Variants in NOL6 observed in about 807,000 individuals in gnomAD.
The protein encoded by NOL6 is nucleolar protein 6, also known as nucleolar RNA-associated protein.
Under a neutral mutation model 131.7 loss-of-function variants are expected in NOL6, and 33 were observed. That is an observed-to-expected ratio of 0.25 (90% CI 0.19 to 0.33). NOL6 has a LOEUF of 0.33. Ranked by LOEUF, NOL6 falls within the 10% of genes least tolerant of loss-of-function variation. NOL6 has a pLI of 1.00. For missense variants in NOL6, 1,297 were observed against 1,494.5 expected (o/e 0.87, Z 2.18); for synonymous variants, 580 against 605.7 (o/e 0.96, Z 0.62).
At position 33,469,047 on chromosome 9, in the gene NOL6, G is replaced by A; in HGVS notation, c.937C>T (p.Leu313=). The A allele has an allele frequency of 6.2e-7, 1 of 1,614,198 alleles. No individual in the cohort carries two copies. The highest frequency in any genetic ancestry group is 1.1e-5 in the South Asian group (1 of 91,076). The change falls in exon 7 of 26, where the codon CTG becomes TTG. Residue 313 remains leucine (L), a synonymous_variant. Coordinates refer to ENST00000297990, the MANE Select transcript of NOL6 (RefSeq NM_022917.5). ...QDTVLESHLQ[L]LSTILSSAQG... is the part of the protein sequence containing the mutation. Reference sequence around the variant, plus strand: ...GCTGAACTCAGAATGGTTGACAGCAGCTGCAAATGGGACTCGAGAACTGTA... The same window carrying A: ...GCTGAACTCAGAATGGTTGACAGCAACTGCAAATGGGACTCGAGAACTGTA...
At position 33,473,891 on chromosome 9, in the gene NOL6, T is replaced by C. The variant is rs778383502; in HGVS notation, c.-49A>G. On this transcript the variant is annotated 5_prime_UTR_variant, in exon 1 of 26. Coordinates refer to ENST00000297990, the MANE Select transcript of NOL6 (RefSeq NM_022917.5). Reference sequence around the variant, plus strand: ...GCACTTCAGATTCTAGCCGGGTCTATACCTCATAGCTTCCCACGTGGGCGG... The same window carrying C: ...GCACTTCAGATTCTAGCCGGGTCTACACCTCATAGCTTCCCACGTGGGCGG... 9 of 1,603,826 alleles carry C rather than the reference T, an allele frequency of 5.6e-6. No homozygotes were observed. Among genetic ancestry groups the C allele is most frequent in the Non-Finnish European group, 5.9e-6 (7 of 1,177,176 alleles).
intron 3 of NOL6, 63 bp from the exon 4 acceptor site, chr9:33,470,254 G>A (rs1340314280): frequency 1.5e-6 from 2 of 1,347,884 alleles, no homozygotes; most frequent in Non-Finnish European, 2.0e-6. Context: ...TACCCTTTAT[G>A]TCTAGAAGAC....
intron 23 of NOL6, 148 bp downstream of exon 23, chr9:33,463,683 C>T: frequency 2.2e-6 from 2 of 898,764 alleles, no homozygotes; most frequent in Non-Finnish European, 3.3e-6. Flanking sequence ...CCAGGCTCTG[C>T]CACCCCAGGC....
In NOL6 at chr9:33,461,353, T is replaced by A. The variant is rs1827090594; in HGVS notation, c.*1311A>T. On this transcript the variant is annotated 3_prime_UTR_variant, in exon 26 of 26. Transcript: ENST00000297990. ...AGGTGCTAGGAAGGACACGAAGAAGTCTATGTTCAAACATGTTCTTGCCCT... is the reference window on the plus strand; with the variant it reads ...AGGTGCTAGGAAGGACACGAAGAAGACTATGTTCAAACATGTTCTTGCCCT... The A allele has an allele frequency of 6.6e-6, 1 of 152,230 alleles. No homozygotes were observed. The highest frequency in any genetic ancestry group is 1.5e-5 in the Non-Finnish European group (1 of 68,056). The allele number at this position is 152,230 out of a possible 1,614,324, so 9.4% of individuals were successfully genotyped here. A position where few individuals can be genotyped will look rare whatever the true frequency, so the allele number is the denominator to read the frequency against.
Position 33,462,464 on chromosome 9 carries a change from G to A in NOL6, c.*200C>T. Reference sequence around the variant, plus strand: ...TGGTGAGGCCCAGGAGACTACATGGGCCACCATGCCCCTGCCCCAATGCTG... The same window carrying A: ...TGGTGAGGCCCAGGAGACTACATGGACCACCATGCCCCTGCCCCAATGCTG... On this transcript the variant is annotated 3_prime_UTR_variant, in exon 26 of 26. Transcript: ENST00000297990. 1 of 639,142 alleles carries A rather than the reference G, an allele frequency of 1.6e-6. No individual in the cohort carries two copies. The highest frequency in any genetic ancestry group is 2.7e-5 in the East Asian group (1 of 36,582). 39.6% of individuals were successfully genotyped at this position (639,142 alleles called of 1,614,324 possible). A position where few individuals can be genotyped will look rare whatever the true frequency, so the allele number is the denominator to read the frequency against.
chr9:33,467,467 G>C lies in NOL6; in HGVS notation c.1652C>G (p.Thr551Ser), dbSNP rs779068950. 3.7e-6 allele frequency: 6 copies of C among 1,614,200 alleles called. No individual in the cohort carries two copies. The highest frequency in any genetic ancestry group is 5.1e-6 in the Non-Finnish European group (6 of 1,180,034). ...CTCAGGCCGGAGAAGGAGTCCCAGG[G>C]TCAGGGTCCCAGAGTCTTTGTGCTT... ...PPKHKDSGTL[T>S]LGLLLRPEGL... Residue 551 changes from threonine (T) to serine (S), a missense_variant, in exon 13 of 26, where the codon ACC becomes AGC. By Grantham distance (58) the Thr-to-Ser change is moderately conservative. Coordinates refer to ENST00000297990, the MANE Select transcript of NOL6 (RefSeq NM_022917.5). This position sits in a 1 kb window ranked among gnomAD's most constrained non-coding sequence, Gnocchi z 4.4.
rs1315323066 is a variant in NOL6 at position 33,463,287 on chromosome 9, A to C, written c.3149T>G (p.Leu1050Arg). 6.2e-7 allele frequency: 1 copy of C among 1,614,160 alleles called. No homozygotes were observed. The highest frequency in any genetic ancestry group is 1.3e-5 in the African/African-American group (1 of 75,078). Residue 1050 changes from leucine (L) to arginine (R), a missense_variant, in exon 24 of 26, where the codon CTG becomes CGG. Transcript: ENST00000297990. ...ATAGAGCTGAGGAGGATCATAGCCC[A>C]GCACGGGCATCAGGGATGAGGGCCC... Reference protein sequence around the residue: ...QPGPSSLMPVLGYDPPQLYLT... With the variant: ...QPGPSSLMPVRGYDPPQLYLT...
In NOL6 at chr9:33,466,327, G is replaced by T; in HGVS notation, c.2190C>A (p.Ala730=). 1 of 1,614,190 alleles carries T rather than the reference G, an allele frequency of 6.2e-7. No homozygotes were observed. Among genetic ancestry groups the T allele is most frequent in the South Asian group, 1.1e-5 (1 of 91,088 alleles). ...LLPRLDKPCP[A]YVEPMTVVCH... The stretch of plus-strand genomic sequence containing the variant: ...TCTTACCGGTCATGGGCTCCACGTA[G>T]GCCGGACAGGGCTTATCGAGCCGGG... The change falls in exon 17 of 26, where the codon GCC becomes GCA. Residue 730 remains alanine, a synonymous_variant. Transcript: ENST00000297990.
intron 10 of NOL6, 80 bp downstream of exon 10, chr9:33,468,241 T>C: frequency 1.2e-6 from 2 of 1,608,138 alleles, no homozygotes; most frequent in Non-Finnish European, 8.5e-7. Context: ...AAGAGGAGTT[T>C]CTGGGGTTCT....
chr9:33,470,040 T>C lies in NOL6; in HGVS notation c.530A>G (p.Asn177Ser). ...LLGTCIRPDI[N>S]VDVALTMPRE... ...GGGCATGGTCAGTGCCACATCCACATTGATGTCTGGTCGGATGCAGGTGCC... is the reference window on the plus strand; with the variant it reads ...GGGCATGGTCAGTGCCACATCCACACTGATGTCTGGTCGGATGCAGGTGCC... The change falls in exon 4 of 26, where the codon AAT (asparagine) becomes AGT (serine). Residue 177 changes from asparagine (N) to serine (S), a missense_variant. Coordinates refer to ENST00000297990, the MANE Select transcript of NOL6 (RefSeq NM_022917.5). The C allele has an allele frequency of 3.7e-6, 6 of 1,609,202 alleles. No individual in the cohort carries two copies. Among genetic ancestry groups the C allele is most frequent in the Non-Finnish European group, 5.1e-6 (6 of 1,176,982 alleles).
rs768053161 is a variant in NOL6 at position 33,467,703 on chromosome 9, G to A, written c.1590C>T (p.Pro530=). 2 of 1,566,426 alleles carry A rather than the reference G, an allele frequency of 1.3e-6. No individual in the cohort carries two copies. Among genetic ancestry groups the A allele is most frequent in the South Asian group, 2.4e-5 (2 of 82,462 alleles). The change falls in exon 12 of 26, where the codon CCC becomes CCT. Residue 530 remains proline, a synonymous_variant. Coordinates refer to ENST00000297990, the MANE Select transcript of NOL6 (RefSeq NM_022917.5). This position sits in a 1 kb window ranked among gnomAD's most constrained non-coding sequence, Gnocchi z 4.4. ...ARLNLLAHSR[P]PVPEWDISQD... ...TACACCACCTCACCTCTGGGACTGG[G>A]GGTCGAGAGTGAGCCAGCAGGTTCA...
At position 33,467,062 on chromosome 9, in the gene NOL6, A is replaced by G; in HGVS notation, c.1874+52T>C. On this transcript the variant is annotated intron_variant, in intron 14 of 25. Coordinates refer to ENST00000297990, the MANE Select transcript of NOL6 (RefSeq NM_022917.5). The surrounding 1 kb of genome is among the most constrained non-coding windows in gnomAD (Gnocchi z 4.4). ...CTCAACTGCCTGGGCCAGACCCCTG[A>G]AAAGGCTCCCCAGCCCACACTGCCT... 5 of 1,612,930 alleles carry G rather than the reference A, an allele frequency of 3.1e-6. No individual in the cohort carries two copies. The highest frequency in any genetic ancestry group is 4.2e-6 in the Non-Finnish European group (5 of 1,179,042).
Position 33,469,625 on chromosome 9 carries a change from G to A in NOL6, c.601C>T (p.Arg201Cys), listed in dbSNP as rs747103900. ...TGGGCCAGGTAGAGGGCACGCTTGC[G>A]GAAGTAGCGCTGGTTCAGCCCGTCC... ...DKDGLNQRYF[R>C]KRALYLAHLA... Residue 201 changes from arginine to cysteine, a missense_variant, in exon 5 of 26, where the codon CGC (arginine) becomes TGC (cysteine). Transcript: ENST00000297990. The A allele has an allele frequency of 3.8e-5, 62 of 1,612,708 alleles. No individual in the cohort carries two copies. Among genetic ancestry groups the A allele is most frequent in the Admixed American group, 1.8e-4 (11 of 59,512 alleles).
chr9:33,471,497 T>A (rs1486197903), intron 3 of NOL6, among the ~76,000 whole-genome samples: 1 of 152,242 alleles, frequency 6.6e-6, no homozygotes, highest in Non-Finnish European at 1.5e-5. Context: ...CCTTTGTGCC[T>A]TTGTACTGGC....
intron 6 of NOL6, 43 bp from the exon 7 acceptor site, chr9:33,469,164 A>C (rs1306018143): frequency 6.2e-7 from 1 of 1,613,802 alleles, no homozygotes; most frequent in Admixed American, 1.7e-5. Flanking sequence ...AAGTCCCCAC[A>C]CCTCTTCCCT....
In NOL6 at chr9:33,465,330, C is replaced by T. The variant is rs1190598136; in HGVS notation, c.2558G>A (p.Gly853Asp). Reference sequence around the variant, plus strand: ...CCACCGCTTGGCCAGCCGTGCCACACCAGAGAAGGCTGGGTGCTGCTGCTG... The same window carrying T: ...CCACCGCTTGGCCAGCCGTGCCACATCAGAGAAGGCTGGGTGCTGCTGCTG... ...GLQQQHPAFS[G>D]VARLAKRWVR... The change falls in exon 20 of 26, where the codon GGT (glycine) becomes GAT (aspartate). Residue 853 changes from glycine (G) to aspartate (D), a missense_variant. Physicochemically the swap from Gly to Asp is moderately conservative, Grantham distance 94. Coordinates refer to ENST00000297990, the MANE Select transcript of NOL6 (RefSeq NM_022917.5). The T allele has an allele frequency of 1.9e-6, 3 of 1,592,988 alleles. No homozygotes were observed. Among genetic ancestry groups the T allele is most frequent in the East Asian group, 2.3e-5 (1 of 44,018 alleles).
At position 33,463,336 on chromosome 9, in the gene NOL6, A is replaced by C; in HGVS notation, c.3100T>G (p.Cys1034Gly). Residue 1034 changes from cysteine to glycine, a missense_variant, in exon 24 of 26, where the codon TGC (cysteine) becomes GGC (glycine). Transcript: ENST00000297990. ...CCCGGCTGGCTGAGCAGGCCCCGGCAGAAGGAGGCAGCTGGCGAGTCCACA... is the reference window on the plus strand; with the variant it reads ...CCCGGCTGGCTGAGCAGGCCCCGGCCGAAGGAGGCAGCTGGCGAGTCCACA... ...QAVDSPAASF[C>G]RGLLSQPGPS... The C allele has an allele frequency of 6.2e-7, 1 of 1,614,120 alleles. No homozygotes were observed. Among genetic ancestry groups the C allele is most frequent in the Non-Finnish European group, 8.5e-7 (1 of 1,179,986 alleles).
rs748252674 is a variant in NOL6 at position 33,468,120 on chromosome 9, A to G, written c.1334T>C (p.Met445Thr). ...HQVQHEARLS[M>T]MLLDSRADDG... is the part of the protein sequence containing the mutation. The stretch of plus-strand genomic sequence containing the variant: ...GTCAGCTCTGCTGTCCAGCAACATC[A>G]TAGACAGCCGTGCCTCATGCTGTAC... The change falls in exon 11 of 26, where the codon ATG (methionine) becomes ACG (threonine). Residue 445 changes from methionine (M) to threonine (T), a missense_variant. Physicochemically the swap from Met to Thr is moderately conservative, Grantham distance 81 (BLOSUM62 -1). Transcript: ENST00000297990. The G allele has an allele frequency of 3.7e-6, 6 of 1,614,018 alleles. No individual in the cohort carries two copies. In the Admixed American group the frequency reaches 1.0e-4, roughly 27 times the overall value.
chr9:33,473,820 TCTCCAG>T lies in NOL6; in HGVS notation c.17_22del (p.Ala6_Gly7del). The T allele has an allele frequency of 6.2e-7, 1 of 1,611,668 alleles. No individual in the cohort carries two copies. The highest frequency in any genetic ancestry group is 8.5e-7 in the Non-Finnish European group (1 of 1,180,012). ...CTCTCCAGTCGCTCCGCGAAGCTGC[TCTCCAG>T]CTGGCGCCGGCCCCATCACTCAGGG... is the stretch of plus-strand genomic sequence containing the variant. On this transcript the variant is annotated inframe_deletion, in exon 1 of 26. Transcript: ENST00000297990.
Sources: allele counts gnomAD v4.1 joint callset (sites outside exome capture counted in the v4.1 genomes callset), GRCh38; gene constraint gnomAD v4.1.1; non-coding constraint Gnocchi (gnomAD v3.1); transcripts MANE v1.5; gene names NCBI Gene and HGNC (gene_info 2026-07-23, HGNC 2026-07-21).